Variants in SNX24 observed in about 807,000 individuals in gnomAD.
The protein encoded by SNX24 is sorting nexin-24.
Under a neutral mutation model 28.7 loss-of-function variants are expected in SNX24, and 22 were observed. The ratio of observed to expected loss-of-function variants is 0.77; its 90% CI spans 0.55 to 1.10. The LOEUF (loss-of-function observed/expected upper bound fraction) is 1.10. SNX24 is among the 50% of genes least tolerant of loss of function. The pLI is 0.00. For missense variants in SNX24, 221 were observed against 201.1 expected, an observed-to-expected ratio of 1.10 and a Z score of -0.60; for synonymous variants, 69 against 71.5, an observed-to-expected ratio of 0.96 and a Z score of 0.18.
intron 1 of SNX24, among the ~76,000 whole-genome samples, chr5:122,928,524 G>A (rs749221960): frequency 1.1e-4 from 17 of 152,076 alleles, no homozygotes; most frequent in Non-Finnish European, 1.5e-4. Context: ...AGGGAGGGGC[G>A]TGAGCTACTG....
intron 1 of SNX24, among the ~76,000 whole-genome samples, chr5:122,904,720 A>T (rs246277): frequency 0.18 from 27,174 of 152,156 alleles, 2,933 homozygotes; most frequent in East Asian, 0.48. Flanking sequence ...GTATGCTCTT[A>T]AAGTTAACTG....
At chr5:122,903,131 G>A (rs1170294599) in intron 1 of SNX24, among the ~76,000 whole-genome samples, 1 of 151,542 alleles carries the variant, frequency 6.6e-6, no homozygotes, top group Non-Finnish European at 1.5e-5. Flanking sequence ...TTTTGATACA[G>A]CGTCTTAGTC....
intron 3 of SNX24, among the ~76,000 whole-genome samples, chr5:122,973,923 A>G (rs1761059056): frequency 6.6e-6 from 1 of 152,204 alleles, no homozygotes; most frequent in African/African-American, 2.4e-5. Flanking sequence ...TGACACCTCA[A>G]GCACCATTGG....
intron 3 of SNX24, among the ~76,000 whole-genome samples, chr5:122,958,005 A>T (rs1235073218): frequency 6.6e-6 from 1 of 152,074 alleles, no homozygotes; most frequent in African/African-American, 2.4e-5. Flanking sequence ...TCCAATTAGG[A>T]TAGCTTTATT....
intron 1 of SNX24, among the ~76,000 whole-genome samples, chr5:122,869,770 T>A (rs1440147124): frequency 6.6e-6 from 1 of 152,234 alleles, no homozygotes; most frequent in Non-Finnish European, 1.5e-5. Flanking sequence ...GAATTCATTG[T>A]CTGTGTTTTT....
rs199717048 is a variant in SNX24, at chr5:122,845,657, T to G, written c.24T>G (p.Phe8Leu). The change falls in exon 1 of 7, where the codon TTT (phenylalanine) becomes TTG (leucine). Residue 8 changes from phenylalanine (F) to leucine (L), a missense_variant. Physicochemically the swap from Phe to Leu is conservative, Grantham distance 22. Transcript: ENST00000261369. ...CCATGGAGGTCTACATCCCGTCCTT[T>G]CGCTATGAAGAGAGCGACCTGGAGC... MEVYIPSFRYEESDLERG... is the reference protein window; with the variant it reads MEVYIPSLRYEESDLERG... 7.0e-7 allele frequency: 1 copy of G among 1,432,044 alleles called. No individual in the cohort carries two copies. Among genetic ancestry groups the G allele is most frequent in the African/African-American group, 1.5e-5 (1 of 68,654 alleles). 88.7% of individuals were successfully genotyped at this position (1,432,044 alleles called of 1,614,324 possible).
chr5:123,000,113 C>T, intron 4 of SNX24, 107 bp downstream of exon 4: 1 of 759,674 alleles, frequency 1.3e-6, no homozygotes, highest in Non-Finnish European at 2.3e-6. Context: ...GCCGGCCACG[C>T]CCACTCTTTT....
intron 1 of SNX24, among the ~76,000 whole-genome samples, chr5:122,884,840 T>C (rs1756638628): frequency 6.6e-6 from 1 of 152,088 alleles, no homozygotes; most frequent in Non-Finnish European, 1.5e-5. Context: ...AGGTATGTAG[T>C]CTCTGAATGG....
Position 123,009,056 on chromosome 5 carries a change from A to T in SNX24, c.*1307A>T. On this transcript the variant is annotated 3_prime_UTR_variant, in exon 7 of 7. Transcript: ENST00000261369. ...GCCTGCTGCAAACTTTTAAAATATT[A>T]TGATAGATTCTGTACTACATGTGGG... 14 of 985,434 alleles carry T rather than the reference A, an allele frequency of 1.4e-5. No individual in the cohort carries two copies. Among genetic ancestry groups the T allele is most frequent in the Non-Finnish European group, 1.7e-5 (14 of 829,498 alleles). 61.0% of individuals were successfully genotyped at this position (985,434 alleles called of 1,614,324 possible). A position where few individuals can be genotyped will look rare whatever the true frequency, so the allele number is the denominator to read the frequency against.
At chr5:123,011,815 C>T (rs1448784928), downstream of SNX24, among the ~76,000 whole-genome samples, 1 of 152,190 alleles carries the variant, frequency 6.6e-6, no homozygotes, top group African/African-American at 2.4e-5. Context: ...TTCAGCACTT[C>T]CACTTCTGGA....
chr5:123,008,088 T>C lies in SNX24; in HGVS notation c.*339T>C. 5.8e-6 allele frequency: 6 copies of C among 1,042,464 alleles called. No individual in the cohort carries two copies. The highest frequency in any genetic ancestry group is 6.9e-6 in the Non-Finnish European group (6 of 866,928). The allele number at this position is 1,042,464 out of a possible 1,614,324, so 64.6% of individuals were successfully genotyped here. A position where few individuals can be genotyped will look rare whatever the true frequency, so the allele number is the denominator to read the frequency against. ...TCTCTGCTTCAGTCGCACCATTTGC[T>C]AATTGAAAATCATATCCTGAATCAT... On this transcript the variant is annotated 3_prime_UTR_variant, in exon 7 of 7. Transcript: ENST00000261369.
intron 1 of SNX24, among the ~76,000 whole-genome samples, chr5:122,906,452 G>A (rs751249649): frequency 2.6e-4 from 39 of 152,216 alleles, no homozygotes; most frequent in Non-Finnish European, 4.3e-4. Context: ...TTTTGAACTT[G>A]ACATGCATAA....
In SNX24 at chr5:122,945,188, A is replaced by G. The variant is rs375656336; in HGVS notation, c.145-867A>G. Among the ~76,000 whole-genome samples the G allele has an allele frequency of 7.9e-5, 12 of 152,210 alleles. No individual in the cohort carries two copies. In the South Asian group the frequency reaches 1.9e-3, roughly 24 times the overall value. The stretch of plus-strand genomic sequence containing the variant: ...TCTTTCTCCATCGTCAGAGTCAGAG[A>G]CATTGTTTCTCCTAGTCTCTTTCCA... On this transcript the variant is annotated intron_variant, in intron 2 of 6. Transcript: ENST00000261369.
rs928181492 is a variant in SNX24 at position 122,866,513 on chromosome 5, G to A, written c.60+20820G>A. Among the ~76,000 whole-genome samples, 16 of 152,216 alleles carry A rather than the reference G, an allele frequency of 1.1e-4. No individual in the cohort carries two copies. The South Asian group carries it at 2.1e-3, about 20-fold the overall frequency. On this transcript the variant is annotated intron_variant, in intron 1 of 6. Transcript: ENST00000261369. Reference sequence around the variant, plus strand: ...CCATTTGCCTTCAGCAAGCACCTCCGCCGGTTGTGTTTCTTTACCTGGTAG... The same window carrying A: ...CCATTTGCCTTCAGCAAGCACCTCCACCGGTTGTGTTTCTTTACCTGGTAG...
chr5:122,927,879 T>C (rs1581759150), intron 1 of SNX24, among the ~76,000 whole-genome samples: 1 of 152,166 alleles, frequency 6.6e-6, no homozygotes, highest in African/African-American at 2.4e-5. Context: ...GTGTGGCTAG[T>C]GCTGAGCTCT....
Position 123,008,129 on chromosome 5 carries a change from C to T in SNX24, c.*380C>T. On this transcript the variant is annotated 3_prime_UTR_variant, in exon 7 of 7. Coordinates refer to ENST00000261369, the MANE Select transcript of SNX24 (RefSeq NM_014035.4). ...CCTGAATCATACTGAGACTGATCAA[C>T]TTTGGTAGCTTTTTTGTTCAGATCT... The T allele has an allele frequency of 7.0e-6, 7 of 996,420 alleles. No homozygotes were observed. Among genetic ancestry groups the T allele is most frequent in the Non-Finnish European group, 8.4e-6 (7 of 837,584 alleles). 61.7% of individuals were successfully genotyped at this position (996,420 alleles called of 1,614,324 possible). A position where few individuals can be genotyped will look rare whatever the true frequency, so the allele number is the denominator to read the frequency against.
intron 3 of SNX24, among the ~76,000 whole-genome samples, chr5:122,954,197 C>CTCTCTATA (rs554412836): frequency 1.3e-5 from 2 of 150,638 alleles, no homozygotes; most frequent in Admixed American, 6.6e-5. Flanking sequence ...TTCTCTCTCT[C>CTCTCTATA]TATATATATA....
chr5:122,991,397 A>C (rs1761843290), intron 3 of SNX24, among the ~76,000 whole-genome samples: 2 of 152,224 alleles, frequency 1.3e-5, no homozygotes, highest in African/African-American at 4.8e-5. Context: ...TGAGCTGTTC[A>C]GAAGTTGTCA....
chr5:122,862,471 C>T (rs1303358453), intron 1 of SNX24, among the ~76,000 whole-genome samples: 3 of 151,554 alleles, frequency 2.0e-5, no homozygotes, highest in Non-Finnish European at 2.9e-5. Context: ...TACGTGGTGG[C>T]GGCGCCTGTA....
Sources: allele counts gnomAD v4.1 joint callset (sites outside exome capture counted in the v4.1 genomes callset), GRCh38; gene constraint gnomAD v4.1.1; transcripts MANE v1.5; gene names NCBI Gene and HGNC (gene_info 2026-07-23, HGNC 2026-07-21).